The following HMGCLL1 variants were observed in gnomAD, a reference collection of about 807,000 sequenced individuals.
HMGCLL1 encodes the protein 3-hydroxymethyl-3-methylglutaryl-CoA lyase, cytoplasmic.
A neutral mutation model predicts 39.1 loss-of-function variants in HMGCLL1; 36 were observed. The observed-to-expected ratio is 0.92, with a 90% confidence interval of 0.71 to 1.22. The LOEUF is 1.22. Ranked by LOEUF, HMGCLL1 falls within the 50% of genes most tolerant of loss-of-function variation. HMGCLL1 has a pLI of 0.00. For synonymous variants in HMGCLL1, 149 were observed against 144.0 expected (o/e 1.03, Z -0.25); for missense variants, 451 against 416.5 (o/e 1.08, Z -0.72).
At chr6:55,637,896 C>A in the HMGCLL1 span, among the ~76,000 whole-genome samples, 2 of 151,916 alleles carry the variant, frequency 1.3e-5, no homozygotes, top group Admixed American at 1.3e-4. Context: ...AGAGGAAGGG[C>A]ACTAAGAAAA....
At chr6:55,615,838 G>A in the HMGCLL1 span, among the ~76,000 whole-genome samples, 36 of 151,946 alleles carry the variant, frequency 2.4e-4, no homozygotes, top group African/African-American at 7.5e-4. Flanking sequence ...TAAGCTAGAG[G>A]GTCTCTTGAT....
chr6:55,444,145 G>C (rs1462475977), intron 7 of HMGCLL1, among the ~76,000 whole-genome samples: 1 of 152,040 alleles, frequency 6.6e-6, no homozygotes, highest in Non-Finnish European at 1.5e-5. Flanking sequence ...GACAAAGGGA[G>C]TGTTATTGGA....
At chr6:55,497,770 G>A (rs1389364970) in intron 6 of HMGCLL1, among the ~76,000 whole-genome samples, 2 of 152,154 alleles carry the variant, frequency 1.3e-5, no homozygotes, top group African/African-American at 4.8e-5. Flanking sequence ...AAGGACCTGA[G>A]AAGAATGTTC....
chr6:55,658,314 C>A, the HMGCLL1 span, among the ~76,000 whole-genome samples: 1 of 151,938 alleles, frequency 6.6e-6, no homozygotes, highest in Non-Finnish European at 1.5e-5. Context: ...AGGTTAAATT[C>A]TACATAAAAT....
chr6:55,465,327 A>G (rs549053479), intron 7 of HMGCLL1, among the ~76,000 whole-genome samples: 1 of 152,180 alleles, frequency 6.6e-6, no homozygotes, highest in Non-Finnish European at 1.5e-5. Flanking sequence ...ATTACTTCAC[A>G]CACCCAAAAT....
chr6:55,598,508 C>T, the HMGCLL1 span, among the ~76,000 whole-genome samples: 78 of 152,268 alleles, frequency 5.1e-4, no homozygotes, highest in Non-Finnish European at 9.3e-4. Context: ...CCTGTTACCA[C>T]GCTAACATAG....
At chr6:55,456,444 T>C (rs1326925170) in intron 7 of HMGCLL1, among the ~76,000 whole-genome samples, 4 of 152,080 alleles carry the variant, frequency 2.6e-5, no homozygotes, top group Non-Finnish European at 5.9e-5. Context: ...TGCAGGAAAA[T>C]ACACAAAATA....
the HMGCLL1 span, among the ~76,000 whole-genome samples, chr6:55,676,066 T>C: frequency 6.6e-6 from 1 of 152,158 alleles, no homozygotes; most frequent in Non-Finnish European, 1.5e-5. Flanking sequence ...TATTTCCAAA[T>C]AGTTAAGGCA....
intron 5 of HMGCLL1, among the ~76,000 whole-genome samples, chr6:55,510,921 C>T (rs997993303): frequency 2.0e-5 from 3 of 151,640 alleles, no homozygotes; most frequent in South Asian, 2.1e-4. Context: ...AATTAATACT[C>T]TCACAAAGAG....
At chr6:55,623,015 A>G in the HMGCLL1 span, among the ~76,000 whole-genome samples, 1 of 151,874 alleles carries the variant, frequency 6.6e-6, no homozygotes, top group African/African-American at 2.4e-5. Flanking sequence ...AGGAATTTGT[A>G]TACTTCTTCT....
chr6:55,565,522 CT>C (rs534453177), intron 1 of HMGCLL1, among the ~76,000 whole-genome samples: 99 of 152,124 alleles, frequency 6.5e-4, no homozygotes, highest in African/African-American at 2.2e-3. Context: ...AATAATACTA[CT>C]GCCCTTATAT....
chr6:55,673,338 A>C, the HMGCLL1 span, among the ~76,000 whole-genome samples: 5 of 151,996 alleles, frequency 3.3e-5, no homozygotes, highest in African/African-American at 1.2e-4. Flanking sequence ...TCGGCTTGCA[A>C]GCGTTACTGA....
At chr6:55,536,978 A>C (rs1320395393) in intron 3 of HMGCLL1, among the ~76,000 whole-genome samples, 1 of 152,236 alleles carries the variant, frequency 6.6e-6, no homozygotes, top group Non-Finnish European at 1.5e-5. Context: ...ATACCAATTT[A>C]GATCCACACA....
chr6:55,648,981 A>T, the HMGCLL1 span, among the ~76,000 whole-genome samples: 1 of 151,616 alleles, frequency 6.6e-6, no homozygotes, highest in Admixed American at 6.6e-5. Flanking sequence ...AATACTGGCA[A>T]ACCGAATCCA....
chr6:55,653,480 AAAT>A, the HMGCLL1 span, among the ~76,000 whole-genome samples: 1 of 151,426 alleles, frequency 6.6e-6, no homozygotes, highest in Non-Finnish European at 1.5e-5. Flanking sequence ...ACATGCTTTC[AAAT>A]AATAATGAAA....
the HMGCLL1 span, among the ~76,000 whole-genome samples, chr6:55,662,200 C>G: frequency 6.6e-6 from 1 of 151,710 alleles, no homozygotes; most frequent in Non-Finnish European, 1.5e-5. Flanking sequence ...ACTGATTGCT[C>G]TGGCTAGGAT....
At chr6:55,498,708 G>A (rs1766713886) in intron 6 of HMGCLL1, among the ~76,000 whole-genome samples, 1 of 152,020 alleles carries the variant, frequency 6.6e-6, no homozygotes, top group African/African-American at 2.4e-5. Context: ...TCAGTAATCA[G>A]GGCCTTAATG....
rs1771903249 is a variant in HMGCLL1, at chr6:55,578,985, A to G, written c.71T>C (p.Ile24Thr). ...GAGCGCCCCTGCCACTGAATCCCCG[A>G]TCCAGAGATGCTCCCGGAGAAGCTG... ...YQQLLREHLW[I>T]GDSVAGALDP... The change falls in exon 1 of 9, where the codon ATC (isoleucine) becomes ACC (threonine). Residue 24 changes from isoleucine (I) to threonine (T), a missense_variant. Ile to Thr is a moderately conservative substitution (Grantham distance 89). Transcript: ENST00000274901. The G allele has an allele frequency of 6.2e-7, 1 of 1,613,608 alleles. No individual in the cohort carries two copies. Among genetic ancestry groups the G allele is most frequent in the South Asian group, 1.1e-5 (1 of 90,948 alleles).
Position 55,516,569 on chromosome 6 carries a change from T to G in HMGCLL1, c.332A>C (p.His111Pro). The G allele has an allele frequency of 6.2e-7, 1 of 1,602,854 alleles. No homozygotes were observed. Among genetic ancestry groups the G allele is most frequent in the South Asian group, 1.1e-5 (1 of 89,326 alleles). The change falls in exon 4 of 9, where the codon CAT becomes CCT. Residue 111 changes from histidine to proline, a missense_variant. His to Pro is a moderately conservative substitution (Grantham distance 77). Coordinates refer to ENST00000274901, the MANE Select transcript of HMGCLL1 (RefSeq NM_001042406.2). ...AGGATAGCGAACTCCTGGATATTGA[T>G]GAATGCCTTTCATTACTTCAGTGTG... ...ADHTEVMKGI[H>P]QYPGVRYPVL...
Sources: gnomAD v4.1 joint callset for allele counts (sites outside exome capture counted in the v4.1 genomes callset) on GRCh38, gnomAD v4.1.1 for gene constraint, MANE v1.5 for transcripts, NCBI Gene and HGNC (gene_info 2026-07-23, HGNC 2026-07-21) for gene names.